Variants in ABCG5 observed in about 807,000 individuals in gnomAD.
The protein encoded by ABCG5 is ATP-binding cassette sub-family G member 5.
A neutral mutation model predicts 64.5 loss-of-function variants in ABCG5; 64 were observed. That is an observed-to-expected ratio of 0.99 (90% CI 0.81 to 1.22). The LOEUF (loss-of-function observed/expected upper bound fraction) is 1.22, where lower values mean the gene tolerates loss of function less well. Among genes scored for constraint, ABCG5 ranks in the 50% most tolerant of loss-of-function variants. The probability of loss-of-function intolerance (pLI) is 0.00; values close to 1 mark genes in which losing one functional copy is unlikely to be tolerated. For missense variants in ABCG5, 908 were observed against 829.5 expected (o/e 1.09, Z -1.16); for synonymous variants, 385 against 326.3 (o/e 1.18, Z -1.94).
intron 11 of ABCG5, among the ~76,000 whole-genome samples, chr2:43,819,028 C>T (rs951957443): frequency 4.6e-5 from 7 of 152,168 alleles, no homozygotes; most frequent in African/African-American, 1.7e-4. Context: ...GTCTGAGCTT[C>T]ATTTTCTTAT....
chr2:43,825,167 G>A, intron 6 of ABCG5, 149 bp from the exon 7 acceptor site: 1 of 906,668 alleles, frequency 1.1e-6, no homozygotes, highest in Non-Finnish European at 1.7e-6. Flanking sequence ...TAAGCAGTCA[G>A]TCCTTCGATG....
At chr2:43,815,164 G>C (rs1028091598) in intron 11 of ABCG5, among the ~76,000 whole-genome samples, 1 of 152,186 alleles carries the variant, frequency 6.6e-6, no homozygotes, top group African/African-American at 2.4e-5. Flanking sequence ...AAGGAAAAAG[G>C]AAGGAGAGAC....
chr2:43,825,118 C>CTTA, intron 6 of ABCG5, 100 bp from the exon 7 acceptor site: 1 of 1,429,964 alleles, frequency 7.0e-7, no homozygotes, highest in Non-Finnish European at 9.7e-7. Flanking sequence ...TCAGGTATTC[C>CTTA]TTATGGTCAC....
intron 2 of ABCG5, among the ~76,000 whole-genome samples, chr2:43,834,301 G>A (rs909895731): frequency 6.6e-6 from 1 of 152,146 alleles, no homozygotes; most frequent in Non-Finnish European, 1.5e-5. Context: ...ATATCCTGCA[G>A]CCTGGGTCCC....
At position 43,813,202 on chromosome 2, in the gene ABCG5, A is replaced by C; in HGVS notation, c.1870T>G (p.Phe624Val). 1 of 1,605,636 alleles carries C rather than the reference A, an allele frequency of 6.2e-7. No individual in the cohort carries two copies. Among genetic ancestry groups the C allele is most frequent in the South Asian group, 1.1e-5 (1 of 90,842 alleles). The change falls in exon 13 of 13, where the codon TTT (phenylalanine) becomes GTT (valine). Residue 624 changes from phenylalanine to valine, a missense_variant. Phe to Val is a conservative substitution (Grantham distance 50, BLOSUM62 -1). Transcript: ENST00000405322. ...PGATSRFTMNFLILYSFIPAL... is the reference protein window; with the variant it reads ...PGATSRFTMNVLILYSFIPAL... ...GGAATAAATGAATACAAAATCAGAA[A>C]GTTCATTGTGAATCTAGATGTTGCA... is the stretch of plus-strand genomic sequence containing the variant.
intron 11 of ABCG5, among the ~76,000 whole-genome samples, chr2:43,815,595 A>G (rs935970052): frequency 4.5e-4 from 69 of 152,202 alleles, no homozygotes; most frequent in Admixed American, 4.5e-3. Context: ...ATTGAAAAGG[A>G]TACGTGGGAC....
chr2:43,826,315 G>A, intron 6 of ABCG5, 67 bp downstream of exon 6: 3 of 1,608,876 alleles, frequency 1.9e-6, no homozygotes, highest in Non-Finnish European at 2.5e-6. Context: ...TACAAATCTT[G>A]CCCCTGCCCC....
chr2:43,819,205 A>C (rs1320513215), intron 11 of ABCG5, among the ~76,000 whole-genome samples: 1 of 152,038 alleles, frequency 6.6e-6, no homozygotes, highest in Non-Finnish European at 1.5e-5. Flanking sequence ...ACTAGATCCC[A>C]CTCACACCAC....
At position 43,838,416 on chromosome 2, in the gene ABCG5, C is replaced by T; in HGVS notation, c.143+121G>A. 1 of 936,950 alleles carries T rather than the reference C, an allele frequency of 1.1e-6. No homozygotes were observed. Among genetic ancestry groups the T allele is most frequent in the Non-Finnish European group, 1.6e-6 (1 of 620,682 alleles). The allele number at this position is 936,950 out of a possible 1,614,324, so 58.0% of individuals were successfully genotyped here. Reference sequence around the variant, plus strand: ...CTCCCTCTCCTCTCTCCACCCGATCCACTAAAGAGGGAGCCCGAAGTGCCC... The same window carrying T: ...CTCCCTCTCCTCTCTCCACCCGATCTACTAAAGAGGGAGCCCGAAGTGCCC... On this transcript the variant is annotated intron_variant, in intron 1 of 12. Coordinates refer to ENST00000405322, the MANE Select transcript of ABCG5 (RefSeq NM_022436.3). The surrounding 1 kb of genome is among the most constrained non-coding windows in gnomAD (Gnocchi z 4.2).
intron 11 of ABCG5, among the ~76,000 whole-genome samples, chr2:43,817,116 A>G (rs10205816): frequency 0.39 from 58,905 of 152,108 alleles, 13,412 homozygotes; most frequent in African/African-American, 0.63. Flanking sequence ...TGGAATTCAT[A>G]TGAAGCCTTG....
At chr2:43,823,070 G>C in intron 9 of ABCG5, 135 bp from the exon 10 acceptor site, 1 of 1,176,982 alleles carries the variant, frequency 8.5e-7, no homozygotes, top group Non-Finnish European at 1.2e-6. Flanking sequence ...AGTCATAGAA[G>C]GAGGGGACCT....
intron 12 of ABCG5, among the ~76,000 whole-genome samples, chr2:43,814,238 T>C (rs1666674965): frequency 6.6e-6 from 1 of 152,200 alleles, no homozygotes; most frequent in South Asian, 2.1e-4. Context: ...ATAAGGTCTG[T>C]CATTTTCTAA....
chr2:43,813,139 T>G lies in ABCG5; in HGVS notation c.1933A>C (p.Arg645=). The G allele has an allele frequency of 7.2e-7, 1 of 1,387,054 alleles. No individual in the cohort carries two copies. The highest frequency in any genetic ancestry group is 1.8e-4 in the Middle Eastern group (1 of 5,622). 85.9% of individuals were successfully genotyped at this position (1,387,054 alleles called of 1,614,324 possible). A position where few individuals can be genotyped will look rare whatever the true frequency, so the allele number is the denominator to read the frequency against. The part of the protein sequence containing the change: ...VILGIVVFKI[R]DHLISR ...CACTACCTGCTAATGAGATGATCCC[T>G]TATTTTGAAAACAACTATTCCTAGG... The change falls in exon 13 of 13, where the codon AGG becomes CGG. Residue 645 remains arginine (R), a synonymous_variant. Coordinates refer to ENST00000405322, the MANE Select transcript of ABCG5 (RefSeq NM_022436.3).
intron 4 of ABCG5, 45 bp from the exon 5 acceptor site, chr2:43,828,160 T>A: frequency 6.2e-7 from 1 of 1,612,604 alleles, no homozygotes; most frequent in South Asian, 1.1e-5. Flanking sequence ...TCTCTGTGGC[T>A]GCTATTTCAA....
At chr2:43,839,157 G>A, upstream of ABCG5, 1 of 1,547,652 alleles carries the variant, frequency 6.5e-7, no homozygotes, top group Non-Finnish European at 8.7e-7. Flanking sequence ...CTGGTGGGCG[G>A]GTAGGAGAAA....
At position 43,824,315 on chromosome 2, in the gene ABCG5, T is replaced by G; in HGVS notation, c.1022A>C (p.Asn341Thr). Reference protein sequence around the residue: ...KSAICHKTLKNIERMKHLKTL... With the variant: ...KSAICHKTLKTIERMKHLKTL... The stretch of plus-strand genomic sequence containing the variant: ...TTTCAGGTGTTTCATTCTTTCAATA[T>G]TCTTCAAAGTTTTATGACAAATTGC... The change falls in exon 8 of 13, where the codon AAT becomes ACT. Residue 341 changes from asparagine to threonine, a missense_variant. Physicochemically the swap from Asn to Thr is moderately conservative, Grantham distance 65 (BLOSUM62 0). Coordinates refer to ENST00000405322, the MANE Select transcript of ABCG5 (RefSeq NM_022436.3). The G allele has an allele frequency of 6.2e-7, 1 of 1,614,222 alleles. No homozygotes were observed. The highest frequency in any genetic ancestry group is 8.5e-7 in the Non-Finnish European group (1 of 1,180,046).
rs1230263991 is a variant in ABCG5 at position 43,831,835 on chromosome 2, G to C, written c.435C>G (p.Arg145=). 6.3e-7 allele frequency: 1 copy of C among 1,587,072 alleles called. No homozygotes were observed. The highest frequency in any genetic ancestry group is 8.6e-7 in the Non-Finnish European group (1 of 1,168,940). ...SDTLLSSLTV[R]ETLHYTALLA... is the part of the protein sequence containing the mutation. ...GCAGCGCGGTGTAGTGCAGCGTCTC[G>C]CGCACGGTGAGGCTGCTCAGCAGGG... The change falls in exon 4 of 13, where the codon CGC becomes CGG. Residue 145 remains arginine (R), a synonymous_variant. Transcript: ENST00000405322.
In ABCG5 at chr2:43,827,922, A is replaced by T. The variant is rs749340927; in HGVS notation, c.634+61T>A. ...GGACCGTGAAGAAAGGGCCCAAAGTATCTGCACACACACAGAAGATGCCCA... is the reference window on the plus strand; with the variant it reads ...GGACCGTGAAGAAAGGGCCCAAAGTTTCTGCACACACACAGAAGATGCCCA... On this transcript the variant is annotated intron_variant, in intron 5 of 12. Transcript: ENST00000405322. 45 of 1,607,998 alleles carry T rather than the reference A, an allele frequency of 2.8e-5. No homozygotes were observed. In the Middle Eastern group the frequency reaches 1.2e-3, roughly 41 times the overall value.
At chr2:43,823,864 GGAGGTATTTAGGGAGAAA>G in intron 9 of ABCG5, 31 bp downstream of exon 9, 1 of 1,591,680 alleles carries the variant, frequency 6.3e-7, no homozygotes, top group Non-Finnish European at 8.6e-7. Context: ...GCTGGAGAAG[GGAGGTATTTAGGGAGAAA>G]GAGGTGCACC....
Sources: gnomAD v4.1 joint callset for allele counts (sites outside exome capture counted in the v4.1 genomes callset) on GRCh38, gnomAD v4.1.1 for gene constraint, Gnocchi (gnomAD v3.1) non-coding constraint, MANE v1.5 for transcripts, NCBI Gene and HGNC (gene_info 2026-07-23, HGNC 2026-07-21) for gene names.